Variants in MCF2 observed in about 807,000 individuals in gnomAD.
The protein encoded by MCF2 is MCF.2 cell line derived transforming sequence, also known as proto-oncogene DBL.
Under a neutral mutation model 82.5 loss-of-function variants are expected in MCF2, and 44 were observed. The ratio of observed to expected loss-of-function variants is 0.53; its 90% CI spans 0.42 to 0.69. MCF2 has a LOEUF of 0.69. MCF2 is among the 30% of genes least tolerant of loss of function. The pLI, the probability that MCF2 is intolerant of heterozygous loss-of-function variation, is 0.00. For synonymous variants in MCF2, 217 were observed against 224.9 expected (o/e 0.96, Z 0.32); for missense variants, 623 against 663.1 (o/e 0.94, Z 0.66).
At chrX:139,697,372 A>G (rs1454892918) in intron 1 of MCF2, among the ~76,000 whole-genome samples, 1 of 112,224 alleles carries the variant, frequency 8.9e-6, no homozygotes, top group African/African-American at 3.2e-5. Flanking sequence ...GGATCCAGCC[A>G]TGACTGAAGA....
In MCF2 at chrX:139,626,438, GA is replaced by G. The variant is rs1244389956; in HGVS notation, c.573-132del. On this transcript the variant is annotated intron_variant, in intron 5 of 24. Coordinates refer to ENST00000370576, the Ensembl canonical transcript of MCF2. ...CATGACACTTGGTTCTACCTATAGA[GA>G]CAACCAATGTCCACAGACTCTCTTC... 1.2e-5 allele frequency: 7 copies of G among 581,788 alleles called. No homozygotes were observed. In the Admixed American group the frequency reaches 2.3e-4, roughly 19 times the overall value. 47.9% of individuals were successfully genotyped at this position (581,788 alleles called of 1,213,427 possible). A position where few individuals can be genotyped will look rare whatever the true frequency, so the allele number is the denominator to read the frequency against.
chrX:139,607,472 T>TA (rs920925788), intron 12 of MCF2: 30 of 245,670 alleles, frequency 1.2e-4, no homozygotes, highest in Middle Eastern at 1.2e-3. Context: ...CAGTCTGGGG[T>TA]AAAAAAAAGA....
intron 1 of MCF2, among the ~76,000 whole-genome samples, chrX:139,652,480 A>G (rs1934059396): frequency 9.0e-6 from 1 of 111,645 alleles, no homozygotes; most frequent in South Asian, 3.8e-4. Context: ...AAAGTAGCAT[A>G]TTAACTCATT....
In MCF2 at chrX:139,702,308, A is replaced by G. The variant is rs1288069287; in HGVS notation, c.-45+5798T>C. The stretch of plus-strand genomic sequence containing the variant: ...TTCATGTCAGACAGGTAATGTGCCA[A>G]TGTTGTAACAAGTTTTGAGGGAGGC... On this transcript the variant is annotated intron_variant, in intron 1 of 27. Coordinates refer to the MCF2 transcript ENST00000414978. The G allele has an allele frequency of 3.6e-5, 4 of 112,202 alleles. No individual in the cohort carries two copies. In the East Asian group the frequency reaches 1.1e-3, roughly 31 times the overall value. The allele number at this position is 112,202 out of a possible 1,213,427, so 9.2% of individuals were successfully genotyped here.
intron 10 of MCF2, among the ~76,000 whole-genome samples, chrX:139,612,396 C>T (rs1452487209): frequency 1.8e-5 from 2 of 111,182 alleles, no homozygotes; most frequent in African/African-American, 6.5e-5. Context: ...GCTCAAGTCA[C>T]ATTTTACATT....
At chrX:139,612,213 T>G (rs1931552174) in intron 10 of MCF2, among the ~76,000 whole-genome samples, 1 of 110,596 alleles carries the variant, frequency 9.0e-6, no homozygotes, top group Non-Finnish European at 1.9e-5. Flanking sequence ...CTTGGGCAAC[T>G]GGGGAAATCA....
intron 1 of MCF2, among the ~76,000 whole-genome samples, chrX:139,654,516 T>C (rs756269805): frequency 1.9e-3 from 212 of 112,312 alleles, no homozygotes; most frequent in Non-Finnish European, 3.2e-3. Context: ...TTGAGTTGTT[T>C]GAGCTCCTTA....
chrX:139,590,552 CCTTATT>C (rs1929422593), intron 19 of MCF2, among the ~76,000 whole-genome samples: 1 of 31,736 alleles, frequency 3.2e-5, no homozygotes, highest in African/African-American at 2.0e-4. Flanking sequence ...AATATCTCTT[CCTTATT>C]CCTTACCACA....
chrX:139,588,945 A>C (rs181012400), intron 20 of MCF2, among the ~76,000 whole-genome samples: 70 of 110,669 alleles, frequency 6.3e-4, no homozygotes, highest in African/African-American at 2.2e-3. Context: ...AAAAAAATCC[A>C]TTTTGAAATT....
intron 4 of MCF2, 129 bp downstream of exon 7, chrX:139,629,566 T>C: frequency 1.7e-6 from 1 of 579,352 alleles, no homozygotes; most frequent in Non-Finnish European, 2.6e-6. Flanking sequence ...TTTTTTTTAG[T>C]TTTTAAATAT....
intron 3 of MCF2, among the ~76,000 whole-genome samples, chrX:139,630,485 C>A (rs1252696104): frequency 8.9e-6 from 1 of 111,834 alleles, no homozygotes; most frequent in African/African-American, 3.2e-5. Flanking sequence ...AATGTAGAGA[C>A]CATATGACCA....
At chrX:139,668,316 A>AAGGCTAAG (rs1242975453) in intron 1 of MCF2, among the ~76,000 whole-genome samples, 1 of 111,707 alleles carries the variant, frequency 9.0e-6, no homozygotes, top group Non-Finnish European at 1.9e-5. Flanking sequence ...CAGTCTGTTA[A>AAGGCTAAG]AGGCTAAGAC....
upstream of MCF2, chrX:139,645,549 A>G (rs1339250859): frequency 2.9e-6 from 3 of 1,024,049 alleles, no homozygotes; most frequent in East Asian, 3.0e-5. Context: ...AAGTTACTGT[A>G]TAATGCATAG....
intron 19 of MCF2, among the ~76,000 whole-genome samples, chrX:139,592,000 A>G (rs1317110609): frequency 9.0e-6 from 1 of 111,320 alleles, no homozygotes. Flanking sequence ...CTTAAATAAC[A>G]CATTGACTAG....
intron 10 of MCF2, among the ~76,000 whole-genome samples, chrX:139,614,191 T>C (rs1465240781): frequency 2.7e-5 from 3 of 111,261 alleles, no homozygotes; most frequent in Non-Finnish European, 5.7e-5. Context: ...TTCAACACAT[T>C]ATAAGGACAA....
chrX:139,582,294 A>C (rs997011933), exon 25 of MCF2: 2 of 503,907 alleles, frequency 4.0e-6, no homozygotes, highest in African/African-American at 4.8e-5. Flanking sequence ...GCGTACCATA[A>C]TTAAAAGCTT....
chrX:139,678,771 G>A (rs1387945131), intron 1 of MCF2, among the ~76,000 whole-genome samples: 11 of 111,986 alleles, frequency 9.8e-5, no homozygotes, highest in African/African-American at 2.3e-4. Context: ...AAGGAGAGCA[G>A]GATAACCTTT....
chrX:139,587,419 A>G (rs3128286), intron 22 of MCF2, among the ~76,000 whole-genome samples: 1 of 111,591 alleles, frequency 9.0e-6, no homozygotes, highest in Non-Finnish European at 1.9e-5. Flanking sequence ...ACTTTGAAAA[A>G]AAAAGCTTAT....
chrX:139,597,508 C>T (rs1490576236), exon 18 of MCF2: 3 of 1,198,137 alleles, frequency 2.5e-6, no homozygotes, highest in Non-Finnish European at 3.4e-6. Flanking sequence ...TAACTGACTT[C>T]AGTAAATCCA....
Sources: allele counts gnomAD v4.1 joint callset (sites outside exome capture counted in the v4.1 genomes callset), GRCh38; gene constraint gnomAD v4.1.1; transcripts MANE v1.5; gene names NCBI Gene and HGNC (gene_info 2026-07-23, HGNC 2026-07-21).